QKI: variants seen among roughly 807,000 people sequenced by gnomAD.
The protein encoded by QKI is QKI, KH domain containing RNA binding.
Under a neutral mutation model 39.0 loss-of-function variants are expected in QKI, and 10 were observed. That is an observed-to-expected ratio of 0.26 (90% CI 0.16 to 0.43). The LOEUF is 0.43. Ranked by LOEUF, QKI falls within the 20% of genes least tolerant of loss-of-function variation. The pLI is 1.00. For synonymous variants in QKI, 204 were observed against 155.4 expected (o/e 1.31, Z -2.33); for missense variants, 218 against 428.0 (o/e 0.51, Z 4.33).
At chr6:163,498,569 CCTT>C (rs1346355882) in intron 3 of QKI, among the ~76,000 whole-genome samples, 1 of 151,852 alleles carries the variant, frequency 6.6e-6, no homozygotes, top group Non-Finnish European at 1.5e-5. Flanking sequence ...CAGGCCCCTC[CCTT>C]CTTCCTTTTG....
chr6:163,496,170 G>A (rs1191690820), intron 3 of QKI, among the ~76,000 whole-genome samples: 1 of 152,056 alleles, frequency 6.6e-6, no homozygotes, highest in Non-Finnish European at 1.5e-5. Flanking sequence ...TGATTTTAGA[G>A]TCTCTCTCCT....
rs901426577 is a variant in QKI at position 163,572,559 on chromosome 6, CAGTT to C, written c.*1855_*1858del. 4.7e-5 allele frequency: 7 copies of C among 149,486 alleles called. No homozygotes were observed. Among genetic ancestry groups the C allele is most frequent in the Admixed American group, 1.4e-4 (2 of 14,688 alleles). The allele number at this position is 149,486 out of a possible 1,614,324, so 9.3% of individuals were successfully genotyped here. A position where few individuals can be genotyped will look rare whatever the true frequency, so the allele number is the denominator to read the frequency against. ...CTTCTAATTTCTCAAGAAGTTGAAACAGTTAGTTATGTAGTTGAAGCAATTTGTG... is the reference window on the plus strand; with the variant it reads ...CTTCTAATTTCTCAAGAAGTTGAAACAGTTATGTAGTTGAAGCAATTTGTG... On this transcript the variant is annotated 3_prime_UTR_variant, in exon 8 of 8. Transcript: ENST00000361752.
rs111516295 is a variant in QKI at position 163,562,128 on chromosome 6, T to G, written c.634+59T>G. On this transcript the variant is annotated intron_variant, in intron 5 of 7. Coordinates refer to ENST00000361752, the MANE Select transcript of QKI (RefSeq NM_006775.3). ...TGTCTGCGTTGTTTTGTCTACAGAC[T>G]TTTTTCCTTTTGGCAACACAATAAT... The G allele has an allele frequency of 2.1e-5, 28 of 1,314,270 alleles. 1 individual carries two copies. Among genetic ancestry groups the G allele is most frequent in the African/African-American group, 2.1e-4 (14 of 67,472 alleles). 81.4% of individuals were successfully genotyped at this position (1,314,270 alleles called of 1,614,324 possible).
intron 3 of QKI, among the ~76,000 whole-genome samples, chr6:163,525,559 G>T (rs552919442): frequency 7.9e-5 from 12 of 152,066 alleles, no homozygotes; most frequent in Middle Eastern, 3.4e-3. Context: ...GGGTTTTGCC[G>T]TGTCGGCCAG....
intron 3 of QKI, among the ~76,000 whole-genome samples, chr6:163,505,953 T>A (rs1471158359): frequency 6.6e-6 from 1 of 152,056 alleles, no homozygotes; most frequent in African/African-American, 2.4e-5. Flanking sequence ...AGGGACCTGG[T>A]GGGAGGTGAT....
intron 3 of QKI, among the ~76,000 whole-genome samples, chr6:163,485,483 C>A (rs574573672): frequency 6.6e-6 from 1 of 152,274 alleles, no homozygotes; most frequent in South Asian, 2.1e-4. Flanking sequence ...TTGAAGTTCA[C>A]CCTTTGGGTA....
intron 3 of QKI, among the ~76,000 whole-genome samples, chr6:163,503,682 A>G (rs1778921480): frequency 6.6e-6 from 1 of 152,080 alleles, no homozygotes; most frequent in African/African-American, 2.4e-5. Flanking sequence ...GTTTTCTTCT[A>G]GGATTCTTAC....
chr6:163,497,512 G>A (rs1020825104), intron 3 of QKI, among the ~76,000 whole-genome samples: 3 of 151,468 alleles, frequency 2.0e-5, no homozygotes, highest in African/African-American at 7.3e-5. Flanking sequence ...CAGTGTTTTA[G>A]TCTTTGGAGG....
chr6:163,488,083 A>G (rs1462603752), intron 3 of QKI, among the ~76,000 whole-genome samples: 2 of 152,202 alleles, frequency 1.3e-5, no homozygotes, highest in Non-Finnish European at 2.9e-5. Context: ...CTACGAATGC[A>G]TTTAAACAGT....
At chr6:163,566,385 TC>T (rs1190669110) in intron 6 of QKI, 4 of 1,217,998 alleles carry the variant, frequency 3.3e-6, no homozygotes, top group Non-Finnish European at 4.1e-6. Flanking sequence ...ATTTAAGTAG[TC>T]CTGCTGCAAG....
chr6:163,436,624 G>A lies in QKI; in HGVS notation c.143-18655G>A, dbSNP rs562140261. On this transcript the variant is annotated intron_variant, in intron 1 of 7. Coordinates refer to ENST00000361752, the MANE Select transcript of QKI (RefSeq NM_006775.3). ...AGGCCAGGAGTTCAAGACCAGCCAG[G>A]CCAACATGGTGAAACTCCATCTCTA... 4.6e-5 allele frequency among the ~76,000 whole-genome samples: 7 copies of A among 151,956 alleles called. No homozygotes were observed. The East Asian group carries it at 1.2e-3, about 25-fold the overall frequency.
chr6:163,556,604 T>C (rs1049020870), intron 4 of QKI, among the ~76,000 whole-genome samples: 4 of 151,548 alleles, frequency 2.6e-5, no homozygotes, highest in African/African-American at 4.8e-5. Context: ...TATTTATACA[T>C]ACCCATAATT....
At position 163,445,880 on chromosome 6, in the gene QKI, C is replaced by T. The variant is rs139454495; in HGVS notation, c.143-9399C>T. 7.2e-3 allele frequency among the ~76,000 whole-genome samples: 1,098 copies of T among 152,310 alleles called. 13 individuals are homozygous for T. Among genetic ancestry groups the T allele is most frequent in the African/African-American group, 0.025 (1,046 of 41,578 alleles). Reference sequence around the variant, plus strand: ...CCGTCCACCTCGGCCTCCCAAAGTGCTGGGATTACAGGCGTGAGCCATCGA... The same window carrying T: ...CCGTCCACCTCGGCCTCCCAAAGTGTTGGGATTACAGGCGTGAGCCATCGA... On this transcript the variant is annotated intron_variant, in intron 1 of 7. Transcript: ENST00000361752.
chr6:163,421,870 G>C (rs1006030750), intron 1 of QKI, among the ~76,000 whole-genome samples: 1 of 151,400 alleles, frequency 6.6e-6, no homozygotes, highest in African/African-American at 2.4e-5. Context: ...TCAGCCTCCC[G>C]AGTAGCTGGG....
intron 1 of QKI, among the ~76,000 whole-genome samples, chr6:163,424,248 CTAAT>C (rs1788228391): frequency 1.3e-5 from 2 of 152,150 alleles, no homozygotes; most frequent in African/African-American, 4.8e-5. Flanking sequence ...GAAACCGCAT[CTAAT>C]TGTCTATTGT....
chr6:163,445,113 T>G (rs1339238898), intron 1 of QKI, among the ~76,000 whole-genome samples: 3 of 152,158 alleles, frequency 2.0e-5, no homozygotes, highest in Admixed American at 6.5e-5. Context: ...CAGGCTCACT[T>G]TTTAAATTGT....
intron 2 of QKI, among the ~76,000 whole-genome samples, chr6:163,466,848 C>T (rs752605135): frequency 6.6e-6 from 1 of 152,072 alleles, no homozygotes; most frequent in Non-Finnish European, 1.5e-5. Flanking sequence ...ACCCAAAAAA[C>T]ACAAGCAACA....
chr6:163,455,068 G>T (rs783140), intron 1 of QKI: 50,378 of 355,248 alleles, frequency 0.14, 4,396 homozygotes, highest in Middle Eastern at 0.21. Flanking sequence ...TATTTGATTC[G>T]TATAAAAATT....
chr6:163,478,917 T>TA, intron 3 of QKI, 21 bp downstream of exon 3: 1 of 1,525,030 alleles, frequency 6.6e-7, no homozygotes, highest in Non-Finnish European at 9.1e-7. Flanking sequence ...GAAAATGGAC[T>TA]AAGTCTTTAT....
Sources: allele counts gnomAD v4.1 joint callset (sites outside exome capture counted in the v4.1 genomes callset), GRCh38; gene constraint gnomAD v4.1.1; transcripts MANE v1.5; gene names NCBI Gene and HGNC (gene_info 2026-07-23, HGNC 2026-07-21).